Variants in POR observed in about 807,000 individuals in gnomAD.
POR encodes NADPH--cytochrome P450 reductase.
Under a neutral mutation model 84.0 loss-of-function variants are expected in POR, and 56 were observed. That is an observed-to-expected ratio of 0.67 (90% confidence interval 0.54 to 0.83). The LOEUF (loss-of-function observed/expected upper bound fraction) is 0.83. Ranked by LOEUF, POR falls within the 40% of genes least tolerant of loss-of-function variation. POR has a pLI of 0.00. For missense variants in POR, 938 were observed against 944.3 expected (o/e 0.99, Z 0.09); for synonymous variants, 414 against 400.5 (o/e 1.03, Z -0.40).
rs1554558444 is a variant in POR at position 75,983,521 on chromosome 7, C to T, written c.832C>T (p.Pro278Ser). The change falls in exon 9 of 16, where the codon CCC (proline) becomes TCC (serine). Residue 278 changes from proline to serine, a missense_variant and splice_region_variant. Transcript: ENST00000461988. ...TGTGCTTCTCTCCTCCCCACCCAGC[C>T]CCTTTGATGCCAAGAATCCGTTCCT... is the stretch of plus-strand genomic sequence containing the variant. The T allele has an allele frequency of 1.2e-6, 2 of 1,611,788 alleles. No homozygotes were observed.
intron 1 of POR, among the ~76,000 whole-genome samples, chr7:75,942,953 CTT>C (rs1236331124): frequency 7.1e-5 from 10 of 140,840 alleles, no homozygotes; most frequent in South Asian, 2.3e-4. Context: ...TTTTCTTTTT[CTT>C]TTTTTTTTTT....
chr7:75,950,800 C>G (rs187188071), intron 1 of POR, among the ~76,000 whole-genome samples: 2 of 152,314 alleles, frequency 1.3e-5, no homozygotes, highest in South Asian at 4.1e-4. Flanking sequence ...CAGTGGCTCA[C>G]GCCTGTCATC....
intron 7 of POR, chr7:75,981,876 C>T (rs1016150327): frequency 1.7e-5 from 10 of 574,414 alleles, no homozygotes; most frequent in Non-Finnish European, 1.2e-5. Flanking sequence ...GGGCTCATTT[C>T]CTTAAAATCT....
chr7:75,947,096 C>T (rs1554552210), intron 1 of POR: 1 of 152,202 alleles, frequency 6.6e-6, no homozygotes, highest in Non-Finnish European at 1.5e-5. Context: ...GATTTTACAT[C>T]TTTGCGAAGC....
chr7:75,927,142 G>A (rs550921943), intron 1 of POR, among the ~76,000 whole-genome samples: 2 of 152,154 alleles, frequency 1.3e-5, no homozygotes, highest in Non-Finnish European at 2.9e-5. Flanking sequence ...GTTGGACAAG[G>A]TCCTTTAACC....
At chr7:75,923,402 C>T (rs540020178) in intron 1 of POR, 2 of 703,092 alleles carry the variant, frequency 2.8e-6, no homozygotes, top group Non-Finnish European at 5.2e-6. Flanking sequence ...CCTCCATCTT[C>T]TTGGGGGTGT....
chr7:75,985,653 C>A lies in POR; in HGVS notation c.1473C>A (p.Gly491=). The A allele has an allele frequency of 6.3e-7, 1 of 1,594,948 alleles. No homozygotes were observed. Among genetic ancestry groups the A allele is most frequent in the Non-Finnish European group, 8.5e-7 (1 of 1,171,908 alleles). ...CCAAGGCTGGCCGCATCAACAAGGG[C>A]GTGGCCACCAACTGGCTGCGGGCCA... The change falls in exon 13 of 16, where the codon GGC becomes GGA. Residue 491 remains glycine (G), a synonymous_variant. Transcript: ENST00000461988.
At chr7:75,945,793 G>A (rs1554552068) in intron 1 of POR, among the ~76,000 whole-genome samples, 2 of 152,188 alleles carry the variant, frequency 1.3e-5, no homozygotes, top group African/African-American at 2.4e-5. Flanking sequence ...TTACTGCTTT[G>A]ATTGGGGTGT....
intron 1 of POR, among the ~76,000 whole-genome samples, chr7:75,928,537 T>TC: frequency 6.6e-6 from 1 of 152,142 alleles, no homozygotes; most frequent in African/African-American, 2.4e-5. Flanking sequence ...GCAATCTTCT[T>TC]CCCATCAGGA....
In POR at chr7:75,986,537, CTCCCTCCCGTAGTCTCCTGGG is replaced by C. The variant is rs1789486818; in HGVS notation, c.*58_*78del. 1.3e-6 allele frequency: 2 copies of C among 1,572,306 alleles called. No individual in the cohort carries two copies. The highest frequency in any genetic ancestry group is 8.6e-7 in the Non-Finnish European group (1 of 1,165,162). ...TCCGGCCTGTAATCAGCTCTCCTGG[CTCCCTCCCGTAGTCTCCTGGG>C]TGTGTTTGGCTTGGCCTTGGCATGG... On this transcript the variant is annotated 3_prime_UTR_variant, in exon 16 of 16. Coordinates refer to ENST00000461988, the MANE Select transcript of POR (RefSeq NM_000941.3).
intron 1 of POR, among the ~76,000 whole-genome samples, chr7:75,932,512 G>A (rs1426267186): frequency 2.0e-5 from 3 of 152,016 alleles, no homozygotes; most frequent in African/African-American, 7.3e-5. Context: ...CTTATCAGTG[G>A]CTTACAAAGA....
intron 10 of POR, among the ~76,000 whole-genome samples, chr7:75,984,499 T>C (rs939973342): frequency 1.3e-5 from 2 of 152,152 alleles, no homozygotes; most frequent in Non-Finnish European, 2.9e-5. Context: ...GACCGTGTAG[T>C]GTGCGGTGAA....
chr7:75,965,553 T>G (rs782470010), intron 2 of POR, among the ~76,000 whole-genome samples: 4 of 152,170 alleles, frequency 2.6e-5, no homozygotes, highest in Non-Finnish European at 5.9e-5. Context: ...CAGAGCCACT[T>G]TGTGCCAGAT....
intron 1 of POR, among the ~76,000 whole-genome samples, chr7:75,926,907 CCTT>C (rs1234482207): frequency 6.6e-6 from 1 of 152,136 alleles, no homozygotes; most frequent in East Asian, 1.9e-4. Flanking sequence ...AATCCTGTGT[CCTT>C]CTGCAGGGAT....
intron 15 of POR, 46 bp downstream of exon 15, chr7:75,986,287 C>T (rs1178970089): frequency 5.0e-6 from 8 of 1,612,484 alleles, no homozygotes; most frequent in African/African-American, 1.3e-5. Context: ...AGGACAAGGC[C>T]CTGCCTGCCA....
At chr7:75,937,721 G>A (rs1807768513) in intron 1 of POR, among the ~76,000 whole-genome samples, 1 of 152,070 alleles carries the variant, frequency 6.6e-6, no homozygotes, top group Non-Finnish European at 1.5e-5. Context: ...GGCAGAGGTT[G>A]CAGTGAGCCG....
At chr7:75,927,941 A>G (rs1031404552) in intron 1 of POR, among the ~76,000 whole-genome samples, 1 of 141,826 alleles carries the variant, frequency 7.1e-6, no homozygotes, top group Non-Finnish European at 1.5e-5. Context: ...GGCATGAGCC[A>G]CTGCTCCCAG....
intron 1 of POR, among the ~76,000 whole-genome samples, chr7:75,917,653 T>C (rs1806638381): frequency 6.6e-6 from 1 of 152,080 alleles, no homozygotes; most frequent in African/African-American, 2.4e-5. Flanking sequence ...TCTTTTCTTT[T>C]CTTTTTTTGA....
chr7:75,958,766 G>A (rs1554554093), intron 2 of POR, among the ~76,000 whole-genome samples: 1 of 151,898 alleles, frequency 6.6e-6, no homozygotes, highest in Non-Finnish European at 1.5e-5. Flanking sequence ...GATTGCTTGA[G>A]CCAGGAGTTC....
Sources: allele counts gnomAD v4.1 joint callset (sites outside exome capture counted in the v4.1 genomes callset), GRCh38; gene constraint gnomAD v4.1.1; transcripts MANE v1.5; gene names NCBI Gene and HGNC (gene_info 2026-07-23, HGNC 2026-07-21).